Variants in AUTS2 observed in about 807,000 individuals in gnomAD.
AUTS2 encodes activator of transcription and developmental regulator AUTS2.
AUTS2 carries 17 observed loss-of-function variants against 112.4 expected under a neutral mutation model. That is an observed-to-expected ratio of 0.15 (90% CI 0.10 to 0.23). The LOEUF (loss-of-function observed/expected upper bound fraction) is 0.23, where lower values mean the gene tolerates loss of function less well. Ranked by LOEUF, AUTS2 falls within the 10% of genes least tolerant of loss-of-function variation. The pLI, the probability that AUTS2 is intolerant of heterozygous loss-of-function variation, is 1.00. For synonymous variants in AUTS2, 751 were observed against 702.7 expected (o/e 1.07, Z -1.09); for missense variants, 1,510 against 1,701.6 (o/e 0.89, Z 1.98).
chr7:70,191,530 C>T (rs930089617), intron 4 of AUTS2, among the ~76,000 whole-genome samples: 1 of 152,124 alleles, frequency 6.6e-6, no homozygotes, highest in African/African-American at 2.4e-5. Flanking sequence ...GTTTATACAT[C>T]AAATTATCAA....
intron 1 of AUTS2, among the ~76,000 whole-genome samples, chr7:69,883,135 C>T (rs1285334281): frequency 6.6e-6 from 1 of 152,150 alleles, no homozygotes; most frequent in Admixed American, 6.5e-5. Flanking sequence ...GATGTAACCG[C>T]CACCAATAAA....
At chr7:69,961,839 C>T (rs1797442868) in intron 2 of AUTS2, among the ~76,000 whole-genome samples, 1 of 152,044 alleles carries the variant, frequency 6.6e-6, no homozygotes, top group African/African-American at 2.4e-5. Flanking sequence ...AGCAGGTGAA[C>T]CTTTTTGAGG....
chr7:70,506,273 G>A (rs1798957651), intron 5 of AUTS2, among the ~76,000 whole-genome samples: 1 of 152,206 alleles, frequency 6.6e-6, no homozygotes, highest in African/African-American at 2.4e-5. Flanking sequence ...CCGAACAGCA[G>A]TAGCGAGGGC....
At chr7:69,717,896 T>C (rs901126664) in intron 1 of AUTS2, among the ~76,000 whole-genome samples, 1 of 152,166 alleles carries the variant, frequency 6.6e-6, no homozygotes, top group African/African-American at 2.4e-5. Context: ...TATTAAGAGA[T>C]AAGACCATTT....
chr7:69,938,813 G>A (rs1426401850), intron 2 of AUTS2, among the ~76,000 whole-genome samples: 1 of 152,180 alleles, frequency 6.6e-6, no homozygotes, highest in East Asian at 1.9e-4. Flanking sequence ...TGGTTGAGTA[G>A]GTGAGTAAGA....
intron 4 of AUTS2, among the ~76,000 whole-genome samples, chr7:70,189,172 A>G (rs1011173893): frequency 3.9e-5 from 6 of 152,114 alleles, no homozygotes; most frequent in African/African-American, 1.4e-4. Context: ...TAAATGACCA[A>G]CCAATTACAA....
At chr7:70,323,629 A>G (rs1790355471) in intron 4 of AUTS2, among the ~76,000 whole-genome samples, 1 of 152,196 alleles carries the variant, frequency 6.6e-6, no homozygotes, top group Admixed American at 6.5e-5. Context: ...AAGCCAGCCA[A>G]CCATGCCACA....
At chr7:70,458,504 T>C (rs1187581886) in intron 5 of AUTS2, among the ~76,000 whole-genome samples, 16 of 152,212 alleles carry the variant, frequency 1.1e-4, no homozygotes, top group Admixed American at 1.0e-3. Flanking sequence ...TCTATTATGT[T>C]TTCAAAATTC....
intron 2 of AUTS2, among the ~76,000 whole-genome samples, chr7:69,914,636 A>G (rs1750319215): frequency 6.6e-6 from 1 of 151,670 alleles, no homozygotes; most frequent in Non-Finnish European, 1.5e-5. Context: ...AAGCTGACCT[A>G]GGAAAACCAT....
At chr7:70,765,074 A>G (rs1372216021) in intron 8 of AUTS2, 69 bp downstream of exon 8, 6 of 1,567,038 alleles carry the variant, frequency 3.8e-6, no homozygotes, top group East Asian at 2.3e-5. Context: ...CACCCTACCT[A>G]TGTTGTCCCG....
intron 2 of AUTS2, among the ~76,000 whole-genome samples, chr7:70,035,415 T>C (rs1584614021): frequency 6.6e-6 from 1 of 152,346 alleles, no homozygotes; most frequent in East Asian, 1.9e-4. Flanking sequence ...TTTCTTGAGC[T>C]GTTGGGTCAG....
intron 1 of AUTS2, among the ~76,000 whole-genome samples, chr7:69,845,604 A>G (rs956406982): frequency 2.6e-5 from 4 of 152,160 alleles, no homozygotes; most frequent in African/African-American, 9.6e-5. Context: ...CAGGAAAAGG[A>G]AAGTTGGTAA....
intron 4 of AUTS2, among the ~76,000 whole-genome samples, chr7:70,167,081 C>T (rs755627929): frequency 1.3e-5 from 2 of 152,104 alleles, no homozygotes; most frequent in Non-Finnish European, 2.9e-5. Context: ...TAAAAATTAG[C>T]CAGGTGTGGT....
intron 5 of AUTS2, among the ~76,000 whole-genome samples, chr7:70,492,798 G>A (rs919064794): frequency 7.2e-5 from 11 of 152,202 alleles, no homozygotes; most frequent in African/African-American, 1.9e-4. Context: ...AGAACACTCC[G>A]GGCCCACACT....
At chr7:69,605,803 A>G (rs926784587) in intron 1 of AUTS2, among the ~76,000 whole-genome samples, 15 of 152,134 alleles carry the variant, frequency 9.9e-5, no homozygotes, top group South Asian at 6.2e-4. Flanking sequence ...CCAGCATTTG[A>G]CTTCTGAAAG....
At chr7:69,846,596 CAG>C (rs1444302273) in intron 1 of AUTS2, among the ~76,000 whole-genome samples, 1 of 152,200 alleles carries the variant, frequency 6.6e-6, no homozygotes, top group African/African-American at 2.4e-5. Context: ...TTTCTGGAGA[CAG>C]AGTCTCCCTC....
Position 70,785,266 on chromosome 7 carries a change from ATGG to A in AUTS2, c.2224+250_2224+252del. ...GGCAGTGGTTCTGCCTGAACTTCCC[ATGG>A]TGCAGTGGGTGAGAGCCATTCCTTG... is the stretch of plus-strand genomic sequence containing the variant. On this transcript the variant is annotated intron_variant, in intron 16 of 18. Coordinates refer to ENST00000342771, the MANE Select transcript of AUTS2 (RefSeq NM_015570.4). 4.9e-6 allele frequency: 3 copies of A among 614,454 alleles called. No individual in the cohort carries two copies. In the South Asian group the frequency reaches 5.4e-5, roughly 11 times the overall value. The allele number at this position is 614,454 out of a possible 1,614,324, so 38.1% of individuals were successfully genotyped here.
At chr7:70,522,459 C>T (rs1799682043) in intron 5 of AUTS2, among the ~76,000 whole-genome samples, 1 of 152,204 alleles carries the variant, frequency 6.6e-6, no homozygotes, top group African/African-American at 2.4e-5. Flanking sequence ...TCTTCCCTCT[C>T]TCCACTCCTC....
At chr7:69,926,575 T>C (rs1421527562) in intron 2 of AUTS2, among the ~76,000 whole-genome samples, 1 of 151,970 alleles carries the variant, frequency 6.6e-6, no homozygotes, top group Non-Finnish European at 1.5e-5. Context: ...TCCATTCAAA[T>C]GTTAGGTTTG....
Sources: gnomAD v4.1 joint callset for allele counts (sites outside exome capture counted in the v4.1 genomes callset) on GRCh38, gnomAD v4.1.1 for gene constraint, MANE v1.5 for transcripts, NCBI Gene and HGNC (gene_info 2026-07-23, HGNC 2026-07-21) for gene names.